The following ADGRL2 variants were observed in gnomAD, a reference collection of about 807,000 sequenced individuals.
The protein encoded by ADGRL2 is calcium-independent alpha-latrotoxin receptor 2.
A neutral mutation model predicts 157.4 loss-of-function variants in ADGRL2; 44 were observed. That is an observed-to-expected ratio of 0.28 (90% CI 0.22 to 0.36). The LOEUF is 0.36. Ranked by LOEUF, ADGRL2 falls within the 10% of genes least tolerant of loss-of-function variation. ADGRL2 has a pLI of 1.00. For synonymous variants in ADGRL2, 585 were observed against 624.7 expected, an observed-to-expected ratio of 0.94 and a Z score of 0.95; for missense variants, 1,510 against 1,768.9, an observed-to-expected ratio of 0.85 and a Z score of 2.63.
At chr1:81,597,888 T>C (rs2081265854) in intron 3 of ADGRL2, among the ~76,000 whole-genome samples, 1 of 152,142 alleles carries the variant, frequency 6.6e-6, no homozygotes, top group Admixed American at 6.5e-5. Flanking sequence ...ATAGAAGATG[T>C]GTTTTCAAGG....
chr1:81,503,199 C>T (rs2078893539), intron 2 of ADGRL2: 16 of 1,614,190 alleles, frequency 9.9e-6, no homozygotes, highest in Admixed American at 5.0e-5. Flanking sequence ...TCAGGATCAA[C>T]GGCAGGGAAG....
intron 1 of ADGRL2, among the ~76,000 whole-genome samples, chr1:81,415,552 G>A (rs1379241537): frequency 2.0e-5 from 3 of 152,168 alleles, no homozygotes; most frequent in Non-Finnish European, 4.4e-5. Context: ...ATGATGGTTG[G>A]TAAAGAGTTG....
intron 1 of ADGRL2, among the ~76,000 whole-genome samples, chr1:81,343,486 A>T (rs1178492105): frequency 1.3e-5 from 2 of 152,220 alleles, no homozygotes; most frequent in East Asian, 3.8e-4. Context: ...CAGAATTCAG[A>T]ACTATCATTT....
chr1:81,692,294 C>T (rs554946898), intron 3 of ADGRL2, among the ~76,000 whole-genome samples: 1 of 152,130 alleles, frequency 6.6e-6, no homozygotes, highest in South Asian at 2.1e-4. Flanking sequence ...GAGTGAGAGA[C>T]TCTGTCTCAA....
At chr1:81,466,700 CTA>C (rs1370583348) in intron 2 of ADGRL2, among the ~76,000 whole-genome samples, 1 of 152,104 alleles carries the variant, frequency 6.6e-6, no homozygotes, top group Admixed American at 6.6e-5. Flanking sequence ...CACATACACA[CTA>C]TGTCTTTTTG....
intron 11 of ADGRL2, among the ~76,000 whole-genome samples, chr1:81,963,244 G>T (rs1268277040): frequency 6.6e-6 from 1 of 151,864 alleles, no homozygotes; most frequent in Non-Finnish European, 1.5e-5. Flanking sequence ...ATAGAAACAC[G>T]ATTGATGTTG....
At chr1:81,371,537 G>A (rs1004611698) in intron 1 of ADGRL2, among the ~76,000 whole-genome samples, 1 of 152,154 alleles carries the variant, frequency 6.6e-6, no homozygotes, top group Non-Finnish European at 1.5e-5. Flanking sequence ...GAAATGTAAA[G>A]CATTTGGCAT....
At chr1:81,958,195 T>G (rs965739158) in intron 11 of ADGRL2, among the ~76,000 whole-genome samples, 1 of 151,916 alleles carries the variant, frequency 6.6e-6, no homozygotes, top group African/African-American at 2.4e-5. Flanking sequence ...AGGCAGAGCT[T>G]GCAGTGAGCC....
At chr1:81,962,702 CAGCTG>C (rs1238657886) in intron 11 of ADGRL2, among the ~76,000 whole-genome samples, 1 of 152,108 alleles carries the variant, frequency 6.6e-6, no homozygotes, top group Non-Finnish European at 1.5e-5. Context: ...ATGAGAGAGG[CAGCTG>C]ATTTGATTTT....
chr1:81,609,557 C>G (rs2081499670), intron 3 of ADGRL2, among the ~76,000 whole-genome samples: 1 of 152,158 alleles, frequency 6.6e-6, no homozygotes, highest in Non-Finnish European at 1.5e-5. Context: ...ATAAAACATA[C>G]TAGCTCACAA....
At chr1:81,413,937 C>T (rs1188747396) in intron 1 of ADGRL2, among the ~76,000 whole-genome samples, 1 of 152,136 alleles carries the variant, frequency 6.6e-6, no homozygotes, top group Non-Finnish European at 1.5e-5. Flanking sequence ...GTCCTATTGC[C>T]ACTCTGTGTA....
intron 3 of ADGRL2, among the ~76,000 whole-genome samples, chr1:81,647,573 T>C (rs562404065): frequency 2.0e-5 from 3 of 152,306 alleles, no homozygotes; most frequent in South Asian, 2.1e-4. Flanking sequence ...GTGTATATGA[T>C]ACATAAATGA....
intron 2 of ADGRL2, among the ~76,000 whole-genome samples, chr1:81,876,546 G>C (rs1490396783): frequency 6.6e-6 from 1 of 151,988 alleles, no homozygotes; most frequent in Non-Finnish European, 1.5e-5. Flanking sequence ...GTACTTAACA[G>C]AGGTTTTCAT....
At chr1:81,763,740 G>A (rs1425515181) in intron 2 of ADGRL2, among the ~76,000 whole-genome samples, 2 of 152,046 alleles carry the variant, frequency 1.3e-5, no homozygotes, top group African/African-American at 4.8e-5. Flanking sequence ...AAAAATAGGG[G>A]CTAGGCGCAG....
At position 81,321,269 on chromosome 1, in the gene ADGRL2, C is replaced by T. The variant is rs562777175; in HGVS notation, c.-302+14760C>T. On this transcript the variant is annotated intron_variant, in intron 1 of 24. Transcript: ENST00000370721. ...AGGCTGTTTTGGTCTTCTATCCCGACGACTAAAACTATATCAGCAATAAAC... is the reference window on the plus strand; with the variant it reads ...AGGCTGTTTTGGTCTTCTATCCCGATGACTAAAACTATATCAGCAATAAAC... Among the ~76,000 whole-genome samples the T allele has an allele frequency of 6.4e-4, 98 of 152,320 alleles. 1 individual carries two copies. In the South Asian group the frequency reaches 0.017, roughly 26 times the overall value.
chr1:81,457,831 T>A (rs2077838313), intron 2 of ADGRL2, among the ~76,000 whole-genome samples: 1 of 152,194 alleles, frequency 6.6e-6, no homozygotes, highest in African/African-American at 2.4e-5. Context: ...ATAGGAGCCA[T>A]AGCAGGAGCT....
At chr1:81,651,953 C>T (rs150759827) in intron 3 of ADGRL2, among the ~76,000 whole-genome samples, 223 of 152,176 alleles carry the variant, frequency 1.5e-3, no homozygotes, top group African/African-American at 5.0e-3. Flanking sequence ...TTGAACCTCA[C>T]ACCTCGGCCT....
chr1:81,841,055 G>T (rs1286384275), intron 2 of ADGRL2, among the ~76,000 whole-genome samples: 1 of 152,140 alleles, frequency 6.6e-6, no homozygotes, highest in African/African-American at 2.4e-5. Context: ...GCTTGCTCAA[G>T]TGACAAGTTA....
At chr1:81,386,336 G>T (rs2076434799) in intron 1 of ADGRL2, among the ~76,000 whole-genome samples, 1 of 152,112 alleles carries the variant, frequency 6.6e-6, no homozygotes, top group Non-Finnish European at 1.5e-5. Flanking sequence ...CTTGGTGTGT[G>T]GTAAGGTAAC....
Sources: gnomAD v4.1 joint callset for allele counts (sites outside exome capture counted in the v4.1 genomes callset) on GRCh38, gnomAD v4.1.1 for gene constraint, MANE v1.5 for transcripts, NCBI Gene and HGNC (gene_info 2026-07-23, HGNC 2026-07-21) for gene names.